STXBP5L: variants seen among roughly 807,000 people sequenced by gnomAD.
The protein encoded by STXBP5L is syntaxin-binding protein 5-like.
Under a neutral mutation model 144.5 loss-of-function variants are expected in STXBP5L, and 65 were observed. The observed-to-expected ratio is 0.45, with a 90% CI of 0.37 to 0.55. The LOEUF (loss-of-function observed/expected upper bound fraction) is 0.55. Ranked by LOEUF, STXBP5L falls within the 20% of genes least tolerant of loss-of-function variation. STXBP5L has a pLI of 0.00. For missense variants in STXBP5L, 1,298 were observed against 1,405.5 expected (o/e 0.92, Z 1.22); for synonymous variants, 505 against 469.6 (o/e 1.08, Z -0.97).
intron 19 of STXBP5L, among the ~76,000 whole-genome samples, chr3:121,304,598 A>G (rs1450003513): frequency 2.0e-5 from 3 of 152,144 alleles, no homozygotes; most frequent in Admixed American, 6.6e-5. Context: ...TAAGCAACTC[A>G]TCTCTAAATA....
At chr3:121,279,067 A>T (rs1436652616) in intron 18 of STXBP5L, among the ~76,000 whole-genome samples, 3 of 151,934 alleles carry the variant, frequency 2.0e-5, no homozygotes, top group Admixed American at 2.0e-4. Flanking sequence ...TTAATAGTTT[A>T]TGAAGCAAAA....
chr3:121,190,480 G>A (rs559649683), intron 9 of STXBP5L, among the ~76,000 whole-genome samples: 15 of 152,282 alleles, frequency 9.9e-5, no homozygotes, highest in African/African-American at 3.6e-4. Context: ...GTAACAATCC[G>A]ATCTCTCTTT....
intron 3 of STXBP5L, among the ~76,000 whole-genome samples, chr3:121,007,814 A>G (rs958708792): frequency 6.6e-6 from 1 of 151,998 alleles, no homozygotes; most frequent in African/African-American, 2.4e-5. Context: ...TGTGGTCAGG[A>G]TACTGACAGC....
At chr3:121,347,177 C>A (rs1453653704) in intron 20 of STXBP5L, among the ~76,000 whole-genome samples, 1 of 152,144 alleles carries the variant, frequency 6.6e-6, no homozygotes, top group East Asian at 1.9e-4. Flanking sequence ...ATATGGCTAG[C>A]CAGTTTTCCC....
At chr3:121,388,643 G>T (rs2046491446) in intron 22 of STXBP5L, among the ~76,000 whole-genome samples, 1 of 152,160 alleles carries the variant, frequency 6.6e-6, no homozygotes, top group Non-Finnish European at 1.5e-5. Context: ...TGCATCTATT[G>T]AGATAACCAT....
In STXBP5L at chr3:121,369,578, TG is replaced by T. The variant is rs1458995884; in HGVS notation, c.2177-9137del. ...TGTCGTGGTTCTTTGATTTTTTCTT[TG>T]ATTTTTTTTTCATGTTCCTTGAAGT... On this transcript the variant is annotated intron_variant, in intron 20 of 26. Transcript: ENST00000471454. 2.5e-4 allele frequency among the ~76,000 whole-genome samples: 38 copies of T among 152,220 alleles called. No individual in the cohort carries two copies. The South Asian group carries it at 7.9e-3, about 32-fold the overall frequency.
chr3:121,124,772 A>T (rs905484623), intron 7 of STXBP5L, among the ~76,000 whole-genome samples: 3 of 151,756 alleles, frequency 2.0e-5, no homozygotes, highest in Non-Finnish European at 2.9e-5. Flanking sequence ...TTTTTGTTTT[A>T]TTGACTAGGA....
chr3:121,292,727 T>C (rs866474231), intron 19 of STXBP5L, among the ~76,000 whole-genome samples: 18 of 152,196 alleles, frequency 1.2e-4, no homozygotes, highest in Middle Eastern at 3.2e-3. Context: ...AATGATGGCA[T>C]TTGCAGCAAC....
rs1002292582 is a variant in STXBP5L, at chr3:121,285,959, T to C, written c.2110+6003T>C. 2.6e-5 allele frequency among the ~76,000 whole-genome samples: 4 copies of C among 152,074 alleles called. No homozygotes were observed. The East Asian group carries it at 7.7e-4, about 29-fold the overall frequency. ...AACTTCCAGAATCATAAGAAATCTA[T>C]GGAATACGTAGAACTAAAACTCAGG... On this transcript the variant is annotated intron_variant, in intron 19 of 26. Coordinates refer to ENST00000471454, the MANE Select transcript of STXBP5L (RefSeq NM_001308330.2).
At chr3:121,041,811 A>C (rs1240947931) in intron 4 of STXBP5L, 30 bp downstream of exon 4, 5 of 1,425,726 alleles carry the variant, frequency 3.5e-6, no homozygotes, top group African/African-American at 2.8e-5. Flanking sequence ...TACTTAAATC[A>C]CACACTCCCC....
In STXBP5L at chr3:121,348,293, C is replaced by T. The variant is rs1019825990; in HGVS notation, c.2176+29753C>T. 5.5e-4 allele frequency among the ~76,000 whole-genome samples: 84 copies of T among 152,132 alleles called. 1 individual carries two copies. The highest frequency in any genetic ancestry group is 3.3e-4 in the Admixed American group (5 of 15,272). On this transcript the variant is annotated intron_variant, in intron 20 of 26. Coordinates refer to ENST00000471454, the MANE Select transcript of STXBP5L (RefSeq NM_001308330.2). ...TGCATATGTTGAACCAGCCTTGCGT[C>T]CCAGGGATGAAGTCCACTTGACCAT... is the stretch of plus-strand genomic sequence containing the variant.
At chr3:121,009,929 GT>G (rs1944645781) in intron 3 of STXBP5L, among the ~76,000 whole-genome samples, 2 of 151,852 alleles carry the variant, frequency 1.3e-5, no homozygotes, top group South Asian at 4.2e-4. Flanking sequence ...CTCCTACTGA[GT>G]TTTAAAAATG....
At chr3:121,342,974 G>C (rs1390990733) in intron 20 of STXBP5L, among the ~76,000 whole-genome samples, 1 of 150,782 alleles carries the variant, frequency 6.6e-6, no homozygotes, top group Non-Finnish European at 1.5e-5. Flanking sequence ...CAGTGTAAAA[G>C]TGTTCCTATT....
intron 24 of STXBP5L, 106 bp downstream of exon 24, chr3:121,413,429 T>C: frequency 1.1e-6 from 1 of 947,420 alleles, no homozygotes; most frequent in Non-Finnish European, 1.5e-6. Flanking sequence ...AATTATGCCC[T>C]TCCAATAACA....
intron 3 of STXBP5L, among the ~76,000 whole-genome samples, chr3:121,039,032 G>T (rs939212290): frequency 2.6e-5 from 4 of 151,616 alleles, no homozygotes; most frequent in African/African-American, 4.8e-5. Flanking sequence ...ATATACTTAG[G>T]TCTGCATTTT....
intron 19 of STXBP5L, among the ~76,000 whole-genome samples, chr3:121,302,070 T>G (rs2051935295): frequency 6.6e-6 from 1 of 152,344 alleles, no homozygotes; most frequent in Non-Finnish European, 1.5e-5. Context: ...TAAAATGAGT[T>G]AGGGAGGATT....
intron 7 of STXBP5L, among the ~76,000 whole-genome samples, chr3:121,135,665 T>C (rs2045218210): frequency 6.6e-6 from 1 of 152,182 alleles, no homozygotes; most frequent in Admixed American, 6.5e-5. Flanking sequence ...CTGGTGGTAA[T>C]GCGAGTGACG....
At chr3:121,380,008 A>C in intron 21 of STXBP5L, among the ~76,000 whole-genome samples, 1 of 151,944 alleles carries the variant, frequency 6.6e-6, no homozygotes, top group Non-Finnish European at 1.5e-5. Context: ...CTTATTTTTC[A>C]GTTTTTGTAG....
At chr3:121,013,342 C>T (rs1944916948) in intron 3 of STXBP5L, among the ~76,000 whole-genome samples, 1 of 152,084 alleles carries the variant, frequency 6.6e-6, no homozygotes, top group Non-Finnish European at 1.5e-5. Context: ...TTCTTGGCAA[C>T]CTTGCCAACA....
Sources: gnomAD v4.1 joint callset for allele counts (sites outside exome capture counted in the v4.1 genomes callset) on GRCh38, gnomAD v4.1.1 for gene constraint, MANE v1.5 for transcripts, NCBI Gene and HGNC (gene_info 2026-07-23, HGNC 2026-07-21) for gene names.